SERHL2: variants seen among roughly 807,000 people sequenced by gnomAD.
The protein encoded by SERHL2 is serine hydrolase like 2.
A neutral mutation model predicts 25.5 loss-of-function variants in SERHL2; 29 were observed. That is an observed-to-expected ratio of 1.14 (90% confidence interval 0.85 to 1.55). The LOEUF is 1.55. SERHL2 is among the 40% of genes most tolerant of loss of function. SERHL2 has a pLI of 0.00. For synonymous variants in SERHL2, 95 were observed against 103.5 expected (o/e 0.92, Z 0.50); for missense variants, 240 against 252.3 (o/e 0.95, Z 0.33).
At chr22:42,559,467 G>A (rs141418783) in intron 7 of SERHL2, among the ~76,000 whole-genome samples, 17 of 151,624 alleles carry the variant, frequency 1.1e-4, no homozygotes, top group Middle Eastern at 3.4e-3. Flanking sequence ...TTTGGAAGGC[G>A]GAGGTGGGCA....
intron 7 of SERHL2, 40 bp from the exon 8 acceptor site, chr22:42,560,146 T>C (rs1922502074): frequency 1.3e-6 from 2 of 1,508,472 alleles, no homozygotes; most frequent in Non-Finnish European, 1.8e-6. Context: ...CTCCTTTTTA[T>C]TGGCCTCCAG....
At chr22:42,560,772 G>A (rs563176952) in intron 8 of SERHL2, among the ~76,000 whole-genome samples, 1 of 152,018 alleles carries the variant, frequency 6.6e-6, no homozygotes, top group Admixed American at 6.5e-5. Flanking sequence ...GTCTCGCTCT[G>A]TCACCTAGGC....
At chr22:42,559,360 C>T (rs1922380301) in intron 7 of SERHL2, among the ~76,000 whole-genome samples, 1 of 150,444 alleles carries the variant, frequency 6.6e-6, no homozygotes, top group Non-Finnish European at 1.5e-5. Flanking sequence ...CAGCCATGAT[C>T]ATGCCACTGC....
intron 8 of SERHL2, chr22:42,565,086 A>G (rs146864978): frequency 1.6e-4 from 25 of 151,998 alleles, no homozygotes; most frequent in African/African-American, 6.0e-4. Context: ...TCTCCTACAA[A>G]TGGACCTTGA....
At chr22:42,570,998 G>A in intron 9 of SERHL2, 123 bp from the exon 10 acceptor site, 1 of 1,424,712 alleles carries the variant, frequency 7.0e-7, no homozygotes, top group Non-Finnish European at 9.6e-7. Context: ...CCTGGGCTCA[G>A]ACCCAGGGTG....
At position 42,572,663 on chromosome 22, in the gene SERHL2, A is replaced by G. The variant is rs1188482935; in HGVS notation, c.825+134A>G. On this transcript the variant is annotated intron_variant, in intron 11 of 11. Transcript: ENST00000327678. Reference sequence around the variant, plus strand: ...CAACAAGTGACCACCAGGATCTATCAGGCCTCATGCTCCACTGTGGTCAGT... The same window carrying G: ...CAACAAGTGACCACCAGGATCTATCGGGCCTCATGCTCCACTGTGGTCAGT... 13 of 1,433,080 alleles carry G rather than the reference A, an allele frequency of 9.1e-6. No homozygotes were observed. The Admixed American group carries it at 1.3e-4, about 14-fold the overall frequency. 88.8% of individuals were successfully genotyped at this position (1,433,080 alleles called of 1,614,324 possible). A position where few individuals can be genotyped will look rare whatever the true frequency, so the allele number is the denominator to read the frequency against.
chr22:42,559,891 A>C (rs1023029516), intron 7 of SERHL2, among the ~76,000 whole-genome samples: 1 of 151,836 alleles, frequency 6.6e-6, no homozygotes, highest in African/African-American at 2.4e-5. Flanking sequence ...AGCTCACTGC[A>C]ACCTCTGCCT....
At chr22:42,568,969 C>T (rs1400138523) in intron 9 of SERHL2, among the ~76,000 whole-genome samples, 1 of 151,530 alleles carries the variant, frequency 6.6e-6, no homozygotes, top group African/African-American at 2.4e-5. Flanking sequence ...GCAACCTCCA[C>T]CTCCTGGGAT....
At chr22:42,563,925 T>C (rs1296998230) in intron 8 of SERHL2, among the ~76,000 whole-genome samples, 2 of 151,142 alleles carry the variant, frequency 1.3e-5, no homozygotes, top group Non-Finnish European at 3.0e-5. Flanking sequence ...AATACAAAAG[T>C]AGTTGGGCGT....
chr22:42,560,780 G>C (rs1163098791), intron 8 of SERHL2, among the ~76,000 whole-genome samples: 1 of 151,894 alleles, frequency 6.6e-6, no homozygotes, highest in Non-Finnish European at 1.5e-5. Context: ...CTGTCACCTA[G>C]GCTGGAGTGC....
At chr22:42,561,832 C>T (rs186382810) in intron 8 of SERHL2, among the ~76,000 whole-genome samples, 1 of 151,906 alleles carries the variant, frequency 6.6e-6, no homozygotes, top group African/African-American at 2.4e-5. Context: ...CCTGGAAACC[C>T]ATCATGGGGA....
Position 42,559,558 on chromosome 22 carries a change from C to T in SERHL2, c.534-628C>T, listed in dbSNP as rs1922406570. 1.3e-5 allele frequency among the ~76,000 whole-genome samples: 2 copies of T among 151,462 alleles called. 1 individual carries two copies. The highest frequency in any genetic ancestry group is 4.8e-5 in the African/African-American group (2 of 41,300). On this transcript the variant is annotated intron_variant, in intron 7 of 11. Transcript: ENST00000327678. ...CTACTAAAAAATACAAAAAATTAGC[C>T]AAGCGTGGTGGTGGCGGGCGCCTGA...
chr22:42,571,087 G>T lies in SERHL2; in HGVS notation c.649-34G>T, dbSNP rs777850774. 5.6e-6 allele frequency: 9 copies of T among 1,613,064 alleles called. 1 individual carries two copies. The highest frequency in any genetic ancestry group is 7.6e-6 in the Non-Finnish European group (9 of 1,179,504). On this transcript the variant is annotated intron_variant, in intron 9 of 11. Transcript: ENST00000327678. ...GTGCCCACGAGAGTGCCTGTGCCTT[G>T]TGACGAGAATTCACCATGTTTTTGT...
intron 10 of SERHL2, chr22:42,571,917 G>A (rs1924258698): frequency 7.8e-6 from 1 of 127,572 alleles, no homozygotes; most frequent in Non-Finnish European, 1.6e-5. Flanking sequence ...GGTTGCTCAG[G>A]ACCGGAAGCC....
intron 11 of SERHL2, 152 bp downstream of exon 11, chr22:42,572,681 T>C: frequency 7.1e-7 from 1 of 1,413,288 alleles, no homozygotes; most frequent in East Asian, 2.6e-5. Flanking sequence ...TGCTCCACTG[T>C]GGTCAGTCCC....
At chr22:42,569,710 C>G (rs1325531651) in intron 9 of SERHL2, 3 of 151,760 alleles carry the variant, frequency 2.0e-5, no homozygotes, top group African/African-American at 7.3e-5. Context: ...GCCTTGGGAA[C>G]AGTATGGGAA....
At chr22:42,572,736 C>A in intron 11 of SERHL2, 1 of 984,576 alleles carries the variant, frequency 1.0e-6, no homozygotes, top group Non-Finnish European at 1.2e-6. Flanking sequence ...GAAACAGAGA[C>A]CTTTGGTGGG....
Position 42,566,358 on chromosome 22 carries a change from G to A in SERHL2, c.648+20G>A, listed in dbSNP as rs753514763. On this transcript the variant is annotated intron_variant, in intron 9 of 11. Transcript: ENST00000327678. Reference sequence around the variant, plus strand: ...GCCTGGGTGAGTACCACTGCCTCCGGGTCCCCCGCCAAGGTTTGCCTGTTA... The same window carrying A: ...GCCTGGGTGAGTACCACTGCCTCCGAGTCCCCCGCCAAGGTTTGCCTGTTA... 1.2e-6 allele frequency: 2 copies of A among 1,610,116 alleles called. No individual in the cohort carries two copies. The highest frequency in any genetic ancestry group is 1.8e-4 in the Middle Eastern group (1 of 5,646).
At chr22:42,561,265 A>G (rs1258736822) in intron 8 of SERHL2, among the ~76,000 whole-genome samples, 1 of 151,792 alleles carries the variant, frequency 6.6e-6, no homozygotes, top group Non-Finnish European at 1.5e-5. Flanking sequence ...GTGTCGTCGG[A>G]TGGAAAATGT....
Sources: allele counts gnomAD v4.1 joint callset (sites outside exome capture counted in the v4.1 genomes callset), GRCh38; gene constraint gnomAD v4.1.1; transcripts MANE v1.5; gene names NCBI Gene and HGNC (gene_info 2026-07-23, HGNC 2026-07-21).